The following REEP1 variants were observed in gnomAD, a reference collection of about 807,000 sequenced individuals.
The protein encoded by REEP1 is receptor expression-enhancing protein 1.
Under a neutral mutation model 40.3 loss-of-function variants are expected in REEP1, and 22 were observed. The ratio of observed to expected loss-of-function variants is 0.55; its 90% confidence interval spans 0.39 to 0.78. REEP1 has a LOEUF of 0.78. Ranked by LOEUF, REEP1 falls within the 30% of genes least tolerant of loss-of-function variation. The pLI is 0.00. For missense variants in REEP1, 280 were observed against 361.1 expected, an observed-to-expected ratio of 0.78 and a Z score of 1.82; for synonymous variants, 116 against 139.2, an observed-to-expected ratio of 0.83 and a Z score of 1.17.
At chr2:86,249,312 G>A (rs187338460) in intron 5 of REEP1, among the ~76,000 whole-genome samples, 13 of 151,486 alleles carry the variant, frequency 8.6e-5, no homozygotes, top group Non-Finnish European at 1.6e-4. Flanking sequence ...TTTCTCAACT[G>A]GCAGTAAATT....
chr2:86,215,660 C>T lies in REEP1; in HGVS notation c.*1379G>A, dbSNP rs966261811. ...GCTCAGCTCTCAGTGGGGAGAGCAG[C>T]TACCTCGGACCACAATGCCATTTAA... On this transcript the variant is annotated 3_prime_UTR_variant, in exon 9 of 9. Transcript: ENST00000538924. 1.3e-5 allele frequency: 2 copies of T among 152,600 alleles called. No individual in the cohort carries two copies. The highest frequency in any genetic ancestry group is 2.9e-5 in the Non-Finnish European group (2 of 68,034). The allele number at this position is 152,600 out of a possible 1,614,324, so 9.5% of individuals were successfully genotyped here. A position where few individuals can be genotyped will look rare whatever the true frequency, so the allele number is the denominator to read the frequency against.
intron 3 of REEP1, among the ~76,000 whole-genome samples, chr2:86,261,189 C>T (rs1027839905): frequency 1.3e-5 from 2 of 152,068 alleles, no homozygotes; most frequent in Non-Finnish European, 2.9e-5. Flanking sequence ...ACACAGAAGG[C>T]CTGGTTAAGG....
Position 86,248,437 on chromosome 2 carries a change from AT to A in REEP1, c.417+3519del, listed in dbSNP as rs545126214. Among the ~76,000 whole-genome samples, 10 of 151,762 alleles carry A rather than the reference AT, an allele frequency of 6.6e-5. No homozygotes were observed. In the South Asian group the frequency reaches 1.9e-3, roughly 28 times the overall value. ...GTTTATTTTATTTATTTATTTATTT[AT>A]TTTATTTTACTTATTTATTTATTTA... On this transcript the variant is annotated intron_variant, in intron 5 of 8. Transcript: ENST00000538924.
intron 5 of REEP1, among the ~76,000 whole-genome samples, chr2:86,233,409 T>C (rs1309779117): frequency 6.6e-6 from 1 of 152,062 alleles, no homozygotes; most frequent in Non-Finnish European, 1.5e-5. Flanking sequence ...ACCCAAAAGG[T>C]AATGAATCAG....
chr2:86,262,547 C>T (rs1369030852), intron 3 of REEP1, among the ~76,000 whole-genome samples: 2 of 152,224 alleles, frequency 1.3e-5, no homozygotes, highest in African/African-American at 4.8e-5. Flanking sequence ...AAAGTACATG[C>T]TAAGATAATT....
chr2:86,241,659 C>A (rs577265191), intron 5 of REEP1, among the ~76,000 whole-genome samples: 1 of 152,240 alleles, frequency 6.6e-6, no homozygotes, highest in Non-Finnish European at 1.5e-5. Context: ...GAACTAGAGA[C>A]CCTGGTGCCG....
intron 2 of REEP1, among the ~76,000 whole-genome samples, chr2:86,266,745 C>T (rs576401059): frequency 6.6e-5 from 10 of 151,622 alleles, no homozygotes; most frequent in South Asian, 4.2e-4. Context: ...TGGTGGCTCA[C>T]GCCTGTAATC....
chr2:86,252,048 T>C lies in REEP1; in HGVS notation c.326A>G (p.Gln109Arg). 6.2e-7 allele frequency: 1 copy of C among 1,613,910 alleles called. No homozygotes were observed. Among genetic ancestry groups the C allele is most frequent in the Non-Finnish European group, 8.5e-7 (1 of 1,179,824 alleles). Residue 109 changes from glutamine to arginine, a missense_variant, in exon 5 of 9, where the codon CAA becomes CGA. Gln to Arg is a conservative substitution (Grantham distance 43, BLOSUM62 1). Around this residue, in one of 3 missense-constraint regions of REEP1, gnomAD observed 201 missense variants for 238.5 expected, o/e 0.84. Transcript: ENST00000538924. ...GGCATCGTAACTTCGGTCTTTTGCT[T>C]GGACCAGACAATCATCGATTTCCTG... ...KEKEIDDCLVQAKDRSYDALV... is the reference protein window; with the variant it reads ...KEKEIDDCLVRAKDRSYDALV...
chr2:86,266,651 A>T (rs148924544), intron 2 of REEP1, among the ~76,000 whole-genome samples: 4,461 of 148,932 alleles, frequency 0.03, 114 homozygotes, highest in East Asian at 0.069. Context: ...AAATAAAAAT[A>T]AAAAAAATAA....
intron 6 of REEP1, among the ~76,000 whole-genome samples, chr2:86,230,691 A>G (rs1674961983): frequency 6.6e-6 from 1 of 152,206 alleles, no homozygotes; most frequent in East Asian, 1.9e-4. Context: ...GCATGGCCAT[A>G]AGCACTTTCA....
intron 6 of REEP1, among the ~76,000 whole-genome samples, chr2:86,228,566 C>T (rs975867524): frequency 6.6e-6 from 1 of 151,838 alleles, no homozygotes; most frequent in Non-Finnish European, 1.5e-5. Context: ...TCAAGCAATT[C>T]TCCAGCCTCA....
chr2:86,333,042 T>C (rs538096862), intron 1 of REEP1, among the ~76,000 whole-genome samples: 99 of 152,306 alleles, frequency 6.5e-4, no homozygotes, highest in African/African-American at 2.3e-3. Context: ...TAGCCTAACA[T>C]CTTTCCTTTC....
In REEP1 at chr2:86,327,063, C is replaced by G. The variant is rs78846293; in HGVS notation, c.32+10416G>C. On this transcript the variant is annotated intron_variant, in intron 1 of 8. Coordinates refer to ENST00000538924, the MANE Select transcript of REEP1 (RefSeq NM_001371279.1). ...TCTGTCGAACAAGGGCATGACATCACCAAGACTCCTTCTAGCTCTAAGATG... is the reference window on the plus strand; with the variant it reads ...TCTGTCGAACAAGGGCATGACATCAGCAAGACTCCTTCTAGCTCTAAGATG... Among the ~76,000 whole-genome samples, 81 of 152,308 alleles carry G rather than the reference C, an allele frequency of 5.3e-4. 1 individual carries two copies. The East Asian group carries it at 0.014, about 26-fold the overall frequency.
intron 6 of REEP1, among the ~76,000 whole-genome samples, chr2:86,228,097 G>C (rs969238179): frequency 1.3e-5 from 2 of 152,076 alleles, no homozygotes; most frequent in African/African-American, 4.8e-5. Flanking sequence ...CAAGAGAGAG[G>C]GTCAGGCCAA....
chr2:86,255,437 C>T (rs893429448), intron 3 of REEP1, among the ~76,000 whole-genome samples: 3 of 152,174 alleles, frequency 2.0e-5, no homozygotes, highest in Non-Finnish European at 4.4e-5. Flanking sequence ...TGCCAAGAAA[C>T]AGAAGAGTCC....
chr2:86,320,608 G>A (rs796178492), intron 1 of REEP1, among the ~76,000 whole-genome samples: 11 of 152,154 alleles, frequency 7.2e-5, no homozygotes, highest in African/African-American at 2.7e-4. Context: ...ATGTTTAAAG[G>A]AATAAAAAGG....
rs138656911 is a variant in REEP1 at position 86,252,029 on chromosome 2, G to A, written c.345C>T (p.Tyr115=). The part of the protein sequence containing the change: ...DCLVQAKDRS[Y]DALVHFGKRG... ...GCTTCCCGAAGTGCACAAGGGCATCGTAACTTCGGTCTTTTGCTTGGACCA... is the reference window on the plus strand; with the variant it reads ...GCTTCCCGAAGTGCACAAGGGCATCATAACTTCGGTCTTTTGCTTGGACCA... The change falls in exon 5 of 9, where the codon TAC becomes TAT. Residue 115 remains tyrosine (Y), a synonymous_variant. Coordinates refer to ENST00000538924, the MANE Select transcript of REEP1 (RefSeq NM_001371279.1). The A allele has an allele frequency of 1.2e-5, 20 of 1,613,916 alleles. No individual in the cohort carries two copies. Among genetic ancestry groups the A allele is most frequent in the Middle Eastern group, 1.6e-4 (1 of 6,084 alleles).
intron 3 of REEP1, among the ~76,000 whole-genome samples, chr2:86,259,523 C>T (rs989328932): frequency 6.6e-6 from 1 of 151,560 alleles, no homozygotes; most frequent in Admixed American, 6.6e-5. Flanking sequence ...ATAGCTGGGA[C>T]AACAGGTGCT....
chr2:86,224,645 C>G (rs1674593961), intron 7 of REEP1, among the ~76,000 whole-genome samples: 2 of 152,234 alleles, frequency 1.3e-5, no homozygotes, highest in South Asian at 4.1e-4. Flanking sequence ...GAGGCCACCA[C>G]CAGGCCTCAC....
Sources: gnomAD v4.1 joint callset for allele counts (sites outside exome capture counted in the v4.1 genomes callset) on GRCh38, gnomAD v4.1.1 for gene constraint, gnomAD v4.1.1 regional missense constraint, MANE v1.5 for transcripts, NCBI Gene and HGNC (gene_info 2026-07-23, HGNC 2026-07-21) for gene names.